ANK2: variants seen among roughly 807,000 people sequenced by gnomAD.
ANK2 encodes ankyrin-2.
ANK2 carries 83 observed loss-of-function variants against 360.5 expected under a neutral mutation model. The ratio of observed to expected loss-of-function variants is 0.23; its 90% confidence interval spans 0.19 to 0.28. ANK2 has a LOEUF of 0.28. Ranked by LOEUF, ANK2 falls within the 10% of genes least tolerant of loss-of-function variation. ANK2 has a pLI of 1.00. For synonymous variants in ANK2, 1,740 were observed against 1,759.5 expected (o/e 0.99, Z 0.28); for missense variants, 4,201 against 4,795.7 (o/e 0.88, Z 3.66).
chr4:112,712,406 ATTT>A, the ANK2 span, among the ~76,000 whole-genome samples: 2,659 of 86,754 alleles, frequency 0.031, 137 homozygotes, highest in African/African-American at 0.11. Context: ...ATATATATAT[ATTT>A]TTTTTTTTTT....
At chr4:113,317,238 G>A (rs1304845179) in intron 24 of ANK2, among the ~76,000 whole-genome samples, 1 of 152,136 alleles carries the variant, frequency 6.6e-6, no homozygotes, top group African/African-American at 2.4e-5. Flanking sequence ...AGAGAGAATG[G>A]AAAATAATAA....
chr4:112,810,245 A>G, the ANK2 span, among the ~76,000 whole-genome samples: 1 of 144,568 alleles, frequency 6.9e-6, no homozygotes, highest in African/African-American at 2.5e-5. Flanking sequence ...CAGGTGATCC[A>G]CCTGCCTTGG....
In ANK2 at chr4:113,358,226, A is replaced by G. The variant is rs2095933129; in HGVS notation, c.9608A>G (p.Gln3203Arg). The change falls in exon 38 of 46, where the codon CAA becomes CGA. Residue 3203 changes from glutamine (Q) to arginine (R), a missense_variant. By Grantham distance (43) the Gln-to-Arg change is conservative. This residue lies in a region of ANK2 where 2,642 missense variants were observed against 2,714.5 expected (regional missense o/e 0.97). Coordinates refer to ENST00000357077, the MANE Select transcript of ANK2 (RefSeq NM_001148.6). Reference sequence around the variant, plus strand: ...GCTTCGGATGCTCAACTTAACTCCCAAATGGGGATTTCAGCCTCCACTGAA... The same window carrying G: ...GCTTCGGATGCTCAACTTAACTCCCGAATGGGGATTTCAGCCTCCACTGAA... ...IPASDAQLNSQMGISASTETP... is the reference protein window; with the variant it reads ...IPASDAQLNSRMGISASTETP... 6.2e-7 allele frequency: 1 copy of G among 1,614,100 alleles called. No homozygotes were observed. The highest frequency in any genetic ancestry group is 1.3e-5 in the African/African-American group (1 of 75,062).
chr4:112,983,526 A>G (rs1413893425), intron 2 of ANK2, among the ~76,000 whole-genome samples: 2 of 151,974 alleles, frequency 1.3e-5, no homozygotes, highest in Non-Finnish European at 2.9e-5. Flanking sequence ...AAAAAAAAAT[A>G]CAAAATTAGC....
intron 14 of ANK2, among the ~76,000 whole-genome samples, chr4:113,269,152 C>T (rs1342164172): frequency 6.6e-6 from 1 of 152,196 alleles, no homozygotes; most frequent in Non-Finnish European, 1.5e-5. Context: ...CCCAGATTAA[C>T]TTCAGACTGC....
intron 42 of ANK2, among the ~76,000 whole-genome samples, chr4:113,368,797 A>G (rs2096627942): frequency 6.6e-6 from 1 of 152,198 alleles, no homozygotes; most frequent in Admixed American, 6.5e-5. Flanking sequence ...TAAAGAAAAT[A>G]TAAGGAAGAA....
At position 113,360,862 on chromosome 4, in the gene ANK2, C is replaced by T; in HGVS notation, c.10721C>T (p.Ala3574Val). Reference protein sequence around the residue: ...DEQERIEERLAYIADHLGFSW... With the variant: ...DEQERIEERLVYIADHLGFSW... ...CAGGAACGGATCGAGGAAAGGCTGGCTTATATTGCTGATCACCTTGGCTTC... is the reference window on the plus strand; with the variant it reads ...CAGGAACGGATCGAGGAAAGGCTGGTTTATATTGCTGATCACCTTGGCTTC... The change falls in exon 39 of 46, where the codon GCT becomes GTT. Residue 3574 changes from alanine to valine, a missense_variant. Ala to Val is a moderately conservative substitution (Grantham distance 64, BLOSUM62 0). Coordinates refer to ENST00000357077, the MANE Select transcript of ANK2 (RefSeq NM_001148.6). 1 of 1,612,774 alleles carries T rather than the reference C, an allele frequency of 6.2e-7. No individual in the cohort carries two copies. The highest frequency in any genetic ancestry group is 8.5e-7 in the Non-Finnish European group (1 of 1,179,304).
chr4:112,735,480 A>G, the ANK2 span, among the ~76,000 whole-genome samples: 1 of 151,956 alleles, frequency 6.6e-6, no homozygotes, highest in Non-Finnish European at 1.5e-5. Context: ...CACCTCCCCA[A>G]TTTTGCTTAT....
chr4:113,061,219 G>A (rs757319754), intron 1 of ANK2, among the ~76,000 whole-genome samples: 23 of 152,042 alleles, frequency 1.5e-4, no homozygotes, highest in Non-Finnish European at 2.2e-4. Flanking sequence ...ATTTGTGAAG[G>A]TAGTTCTTGA....
intron 2 of ANK2, among the ~76,000 whole-genome samples, chr4:113,188,514 C>A (rs910891406): frequency 1.3e-5 from 2 of 152,080 alleles, no homozygotes; most frequent in Non-Finnish European, 2.9e-5. Flanking sequence ...TTTGAGAAAA[C>A]CTGCATCAAA....
At chr4:112,840,842 C>A (rs1265808911) in intron 1 of ANK2, among the ~76,000 whole-genome samples, 1 of 152,118 alleles carries the variant, frequency 6.6e-6, no homozygotes, top group Non-Finnish European at 1.5e-5. Context: ...GGATTCCAAC[C>A]CAGGGAGTGT....
chr4:112,838,122 G>A (rs2149766718), intron 1 of ANK2, among the ~76,000 whole-genome samples: 1 of 152,234 alleles, frequency 6.6e-6, no homozygotes, highest in East Asian at 1.9e-4. Flanking sequence ...GGATCATGGG[G>A]GCAGTTTCCC....
chr4:113,075,856 G>A (rs2079723967), intron 1 of ANK2, among the ~76,000 whole-genome samples: 1 of 152,138 alleles, frequency 6.6e-6, no homozygotes, highest in Admixed American at 6.5e-5. Context: ...TTAGGCTGAT[G>A]GTTAGCAACA....
At chr4:112,759,114 C>T in the ANK2 span, among the ~76,000 whole-genome samples, 2 of 152,064 alleles carry the variant, frequency 1.3e-5, no homozygotes, top group Non-Finnish European at 2.9e-5. Flanking sequence ...TGGATTAGGT[C>T]TACTATCAGA....
At chr4:112,729,118 G>A in the ANK2 span, among the ~76,000 whole-genome samples, 1 of 152,074 alleles carries the variant, frequency 6.6e-6, no homozygotes, top group Admixed American at 6.6e-5. Context: ...AGGATAGCTT[G>A]AGTTCCAATG....
chr4:112,939,741 C>A (rs2094059765), intron 2 of ANK2, among the ~76,000 whole-genome samples: 1 of 152,162 alleles, frequency 6.6e-6, no homozygotes, highest in African/African-American at 2.4e-5. Flanking sequence ...TCCAGCTACC[C>A]AATGCCCTTC....
intron 43 of ANK2, among the ~76,000 whole-genome samples, chr4:113,371,394 A>G (rs2096733603): frequency 6.6e-6 from 1 of 152,230 alleles, no homozygotes; most frequent in Non-Finnish European, 1.5e-5. Flanking sequence ...CTTGGCTTGA[A>G]TGAGTACTAC....
chr4:113,250,108 G>T (rs897388394), intron 10 of ANK2, among the ~76,000 whole-genome samples: 1 of 152,196 alleles, frequency 6.6e-6, no homozygotes, highest in African/African-American at 2.4e-5. Context: ...TCTTACTGCA[G>T]ATGGAAATCT....
intron 2 of ANK2, among the ~76,000 whole-genome samples, chr4:112,947,609 G>GA (rs61267165): frequency 0.058 from 8,775 of 152,276 alleles, 399 homozygotes; most frequent in African/African-American, 0.12. Flanking sequence ...GGAAGCAGCA[G>GA]AAAGCATGCA....
Sources: gnomAD v4.1 joint callset for allele counts (sites outside exome capture counted in the v4.1 genomes callset) on GRCh38, gnomAD v4.1.1 for gene constraint, gnomAD v4.1.1 regional missense constraint, MANE v1.5 for transcripts, NCBI Gene and HGNC (gene_info 2026-07-23, HGNC 2026-07-21) for gene names.